FAM53A: variants seen among roughly 807,000 people sequenced by gnomAD.
The protein encoded by FAM53A is family with sequence similarity 53 member A.
In FAM53A, 28 loss-of-function variants were observed where a neutral mutation model predicts 26.6. The observed-to-expected ratio is 1.05, with a 90% CI of 0.78 to 1.45. The LOEUF (loss-of-function observed/expected upper bound fraction) is 1.45, where lower values mean the gene tolerates loss of function less well. FAM53A is among the 40% of genes most tolerant of loss of function. The pLI is 0.00. For missense variants in FAM53A, 650 were observed against 575.8 expected, an observed-to-expected ratio of 1.13 and a Z score of -1.32; for synonymous variants, 290 against 253.1, an observed-to-expected ratio of 1.15 and a Z score of -1.38.
chr4:1,592,880 A>G, the FAM53A span, among the ~76,000 whole-genome samples: 30 of 151,914 alleles, frequency 2.0e-4, 1 homozygote, highest in East Asian at 4.9e-3. Flanking sequence ...CGGGCCCCGC[A>G]GGAGGGGCGT....
chr4:1,585,658 T>C, the FAM53A span, among the ~76,000 whole-genome samples: 1 of 152,190 alleles, frequency 6.6e-6, no homozygotes, highest in African/African-American at 2.4e-5. Flanking sequence ...AGTATTTGTC[T>C]TTCTGTGCCT....
intron 1 of FAM53A, among the ~76,000 whole-genome samples, chr4:1,623,052 GCT>G (rs1715117556): frequency 6.6e-6 from 1 of 152,226 alleles, no homozygotes; most frequent in African/African-American, 2.4e-5. Flanking sequence ...CGGTCACAGG[GCT>G]GACAGTGGCA....
downstream of FAM53A, among the ~76,000 whole-genome samples, chr4:1,616,756 C>T (rs1016336003): frequency 8.5e-5 from 13 of 152,214 alleles, no homozygotes; most frequent in Non-Finnish European, 1.3e-4. Context: ...GTCTGTCCCG[C>T]GGAGAAGCCT....
chr4:1,672,869 A>G (rs560714319), intron 1 of FAM53A, among the ~76,000 whole-genome samples: 1 of 146,688 alleles, frequency 6.8e-6, no homozygotes, highest in East Asian at 2.0e-4. Context: ...TCCCGGGTTC[A>G]AGCGATTCTC....
At chr4:1,676,789 A>G (rs559325682) in intron 1 of FAM53A, among the ~76,000 whole-genome samples, 21 of 152,184 alleles carry the variant, frequency 1.4e-4, no homozygotes, top group African/African-American at 5.1e-4. Flanking sequence ...CACACCTCCC[A>G]ATACGGCCGT....
the FAM53A span, among the ~76,000 whole-genome samples, chr4:1,605,511 G>A: frequency 5.9e-5 from 9 of 152,212 alleles, no homozygotes; most frequent in Non-Finnish European, 1.0e-4. The surrounding 1 kb of genome is among the most constrained non-coding windows in gnomAD (Gnocchi z 5.7). Flanking sequence ...CAAGATGAGC[G>A]TGAGGGAGGG....
chr4:1,581,905 TTG>T, the FAM53A span, among the ~76,000 whole-genome samples: 52 of 151,606 alleles, frequency 3.4e-4, no homozygotes, highest in African/African-American at 1.2e-3. Context: ...TTTTTTTTTT[TTG>T]ATATAGGGTC....
At position 1,655,464 on chromosome 4, in the gene FAM53A, G is replaced by A; in HGVS notation, c.396C>T (p.Arg132=). The part of the protein sequence containing the change: ...RSLSEPEELV[R]CRSPWRPGSS... ...TGCCGGGGCGCCAGGGGGACCGGCA[G>A]CGCACAAGCTCCTCGGGTTCTGACA... The change falls in exon 4 of 5, where the codon CGC becomes CGT. Residue 132 remains arginine, a synonymous_variant. Coordinates refer to ENST00000308132, the MANE Select transcript of FAM53A (RefSeq NM_001174070.3). The A allele has an allele frequency of 6.4e-7, 1 of 1,562,980 alleles. No homozygotes were observed. Among genetic ancestry groups the A allele is most frequent in the Non-Finnish European group, 8.7e-7 (1 of 1,152,630 alleles).
chr4:1,583,003 A>G, the FAM53A span, among the ~76,000 whole-genome samples: 1 of 152,218 alleles, frequency 6.6e-6, no homozygotes, highest in Non-Finnish European at 1.5e-5. Flanking sequence ...GAGAATTAAC[A>G]TCCTGTCAAG....
intron 4 of FAM53A, among the ~76,000 whole-genome samples, chr4:1,647,283 C>T (rs574446493): frequency 2.6e-4 from 39 of 150,776 alleles, no homozygotes; most frequent in Non-Finnish European, 5.3e-4. Flanking sequence ...TGCAGTTAGC[C>T]GAGATGGCAC....
At chr4:1,680,001 C>T (rs941052937) in intron 1 of FAM53A, among the ~76,000 whole-genome samples, 2 of 138,050 alleles carry the variant, frequency 1.4e-5, no homozygotes, top group African/African-American at 5.5e-5. Context: ...CCAGCCTGAG[C>T]GACAGGGCAA....
downstream of FAM53A, among the ~76,000 whole-genome samples, chr4:1,614,188 G>A (rs1040169352): frequency 3.3e-5 from 5 of 152,154 alleles, no homozygotes; most frequent in South Asian, 4.2e-4. Flanking sequence ...TGCAGGCTGC[G>A]CGCAGCCCAT....
At chr4:1,578,139 G>GC in the FAM53A span, among the ~76,000 whole-genome samples, 13,473 of 151,762 alleles carry the variant, frequency 0.089, 689 homozygotes, top group South Asian at 0.17. Flanking sequence ...ACACCCCCAG[G>GC]CCCCCCCCAA....
the FAM53A span, among the ~76,000 whole-genome samples, chr4:1,579,244 A>G: frequency 3.4e-4 from 32 of 94,872 alleles, no homozygotes; most frequent in Non-Finnish European, 5.4e-4. Flanking sequence ...GGTCCCAGCC[A>G]GAGCCCCGGC....
chr4:1,611,224 T>C, the FAM53A span, among the ~76,000 whole-genome samples: 1 of 152,186 alleles, frequency 6.6e-6, no homozygotes, highest in East Asian at 1.9e-4. Context: ...CTCCTCTTGC[T>C]CAGCTCAGTC....
the FAM53A span, among the ~76,000 whole-genome samples, chr4:1,600,859 T>C: frequency 6.6e-6 from 1 of 152,234 alleles, no homozygotes; most frequent in Non-Finnish European, 1.5e-5. Context: ...TCTGTACCAC[T>C]GCATCCTCTG....
chr4:1,609,146 G>A, the FAM53A span, among the ~76,000 whole-genome samples: 2 of 152,038 alleles, frequency 1.3e-5, no homozygotes, highest in Non-Finnish European at 2.9e-5. Flanking sequence ...AGTTGTCGCT[G>A]GTCTCAGGGA....
chr4:1,663,241 C>T (rs570793486), intron 2 of FAM53A, among the ~76,000 whole-genome samples: 124 of 152,312 alleles, frequency 8.1e-4, no homozygotes, highest in Admixed American at 4.7e-3. Flanking sequence ...TGCTGCAGAA[C>T]GGAACATGGT....
At chr4:1,675,675 T>C (rs1372102039) in intron 1 of FAM53A, among the ~76,000 whole-genome samples, 1 of 152,144 alleles carries the variant, frequency 6.6e-6, no homozygotes, top group Non-Finnish European at 1.5e-5. Flanking sequence ...CCTACACTCA[T>C]TCCCATACAC....
Sources: allele counts gnomAD v4.1 joint callset (sites outside exome capture counted in the v4.1 genomes callset), GRCh38; gene constraint gnomAD v4.1.1; non-coding constraint Gnocchi (gnomAD v3.1); transcripts MANE v1.5; gene names NCBI Gene and HGNC (gene_info 2026-07-23, HGNC 2026-07-21).